Variants in CDH4 observed in about 807,000 individuals in gnomAD.
The protein encoded by CDH4 is cadherin 4.
A neutral mutation model predicts 86.0 loss-of-function variants in CDH4; 33 were observed. The observed-to-expected ratio is 0.38, with a 90% confidence interval of 0.29 to 0.51. The LOEUF is 0.51. CDH4 is among the 20% of genes least tolerant of loss of function. CDH4 has a pLI of 0.86. For missense variants in CDH4, 1,114 were observed against 1,307.4 expected (o/e 0.85, Z 2.28); for synonymous variants, 555 against 549.4 (o/e 1.01, Z -0.14).
intron 2 of CDH4, among the ~76,000 whole-genome samples, chr20:61,389,164 C>A (rs980881770): frequency 6.6e-6 from 1 of 152,254 alleles, no homozygotes; most frequent in African/African-American, 2.4e-5. Context: ...GTCCCCAGGC[C>A]CAGCCATGGC....
chr20:61,719,847 G>C (rs901636664), intron 2 of CDH4: 2 of 152,278 alleles, frequency 1.3e-5, no homozygotes, highest in African/African-American at 4.8e-5. Context: ...TTTAAATTAA[G>C]ATAAACCTTG....
intron 9 of CDH4, among the ~76,000 whole-genome samples, chr20:61,912,713 C>T (rs900805985): frequency 1.1e-4 from 17 of 152,196 alleles, no homozygotes; most frequent in Non-Finnish European, 2.1e-4. Flanking sequence ...GCAAAATACA[C>T]GTTTCACTTC....
At chr20:61,448,056 G>A (rs762202290) in intron 2 of CDH4, among the ~76,000 whole-genome samples, 16 of 152,196 alleles carry the variant, frequency 1.1e-4, no homozygotes, top group Non-Finnish European at 2.2e-4. Context: ...TTTCTATGCT[G>A]ATTTCCATAC....
chr20:61,581,704 G>T (rs761312075), intron 2 of CDH4, among the ~76,000 whole-genome samples: 4 of 152,168 alleles, frequency 2.6e-5, no homozygotes, highest in African/African-American at 7.2e-5. Context: ...CCATCCCAAG[G>T]CCCCGACTGC....
intron 2 of CDH4, among the ~76,000 whole-genome samples, chr20:61,490,966 G>A (rs1187327749): frequency 5.3e-5 from 8 of 152,182 alleles, no homozygotes; most frequent in African/African-American, 1.7e-4. Context: ...CACACTCAGG[G>A]TGTGCTTGAC....
At chr20:61,786,074 G>C (rs1978862737) in intron 4 of CDH4, among the ~76,000 whole-genome samples, 1 of 152,242 alleles carries the variant, frequency 6.6e-6, no homozygotes, top group South Asian at 2.1e-4. Context: ...GGGAGGAACT[G>C]CTCTAAGAAC....
chr20:61,593,833 G>A lies in CDH4; in HGVS notation c.170-149730G>A, dbSNP rs1398161096. Among the ~76,000 whole-genome samples the A allele has an allele frequency of 2.6e-5, 4 of 151,398 alleles. No homozygotes were observed. In the East Asian group the frequency reaches 8.0e-4, roughly 30 times the overall value. On this transcript the variant is annotated intron_variant, in intron 2 of 15. Transcript: ENST00000614565. ...TCTGGGCCGTGCCTGGCATGCAGCT[G>A]TAACATTCGTTGAGGTGCGTGCTGC...
At chr20:61,340,016 A>G (rs1253860477) in intron 2 of CDH4, among the ~76,000 whole-genome samples, 1 of 152,206 alleles carries the variant, frequency 6.6e-6, no homozygotes, top group Non-Finnish European at 1.5e-5. Context: ...TAAGATGATG[A>G]GTTAATTAAT....
chr20:61,917,279 A>G (rs2054912917), intron 9 of CDH4, among the ~76,000 whole-genome samples: 1 of 152,066 alleles, frequency 6.6e-6, no homozygotes, highest in Admixed American at 6.5e-5. Context: ...ATCTGTTACC[A>G]TCATACCCTC....
intron 7 of CDH4, among the ~76,000 whole-genome samples, chr20:61,889,334 A>AG (rs1568868798): frequency 1.5e-3 from 224 of 144,560 alleles, no homozygotes; most frequent in African/African-American, 5.5e-3. Context: ...GGATGGATGG[A>AG]TGGATGGGTG....
At chr20:61,659,540 G>A (rs1486251817) in intron 2 of CDH4, among the ~76,000 whole-genome samples, 1 of 151,980 alleles carries the variant, frequency 6.6e-6, no homozygotes, top group Non-Finnish European at 1.5e-5. Context: ...ACAGGAGGAG[G>A]GTGGGCCTCA....
chr20:61,649,044 G>A (rs1184898827), intron 2 of CDH4, among the ~76,000 whole-genome samples: 1 of 152,132 alleles, frequency 6.6e-6, no homozygotes, highest in Non-Finnish European at 1.5e-5. Context: ...ATCTATATTC[G>A]TTTATTTTCT....
At chr20:61,551,592 C>T (rs1439427677) in intron 2 of CDH4, among the ~76,000 whole-genome samples, 1 of 152,234 alleles carries the variant, frequency 6.6e-6, no homozygotes, top group African/African-American at 2.4e-5. Context: ...CACGTGACTT[C>T]CCCCACCTAA....
rs762300662 is a variant in CDH4, at chr20:61,923,481, A to G, written c.1405A>G (p.Met469Val). 2.5e-6 allele frequency: 4 copies of G among 1,614,190 alleles called. No homozygotes were observed. The South Asian group carries it at 4.4e-5, about 18-fold the overall frequency. The change falls in exon 10 of 16, where the codon ATG becomes GTG. Residue 469 changes from methionine (M) to valine (V), a missense_variant. Met to Val is a conservative substitution (Grantham distance 21). Transcript: ENST00000614565. Reference protein sequence around the residue: ...AVDYELNRAFMLTVMVSNQAP... With the variant: ...AVDYELNRAFVLTVMVSNQAP... Reference sequence around the variant, plus strand: ...CGACTACGAGCTCAACAGAGCTTTCATGCTGACAGTGATGGTGTCCAACCA... The same window carrying G: ...CGACTACGAGCTCAACAGAGCTTTCGTGCTGACAGTGATGGTGTCCAACCA...
In CDH4 at chr20:61,901,932, C is replaced by T. The variant is rs7260706; in HGVS notation, c.1188+6885C>T. Among the ~76,000 whole-genome samples the T allele has an allele frequency of 1.0e-2, 1,522 of 152,312 alleles. 19 individuals carry two copies. Among genetic ancestry groups the T allele is most frequent in the East Asian group, 0.043 (222 of 5,184 alleles). On this transcript the variant is annotated intron_variant, in intron 8 of 15. Transcript: ENST00000614565. Reference sequence around the variant, plus strand: ...CAGAGGTGGAAGTAAAGTTCGCAGTCGGCCGTGGCTCATCTTTATGAGATA... The same window carrying T: ...CAGAGGTGGAAGTAAAGTTCGCAGTTGGCCGTGGCTCATCTTTATGAGATA...
chr20:61,381,293 C>G (rs991703184), intron 2 of CDH4, among the ~76,000 whole-genome samples: 12 of 152,076 alleles, frequency 7.9e-5, no homozygotes, highest in African/African-American at 2.9e-4. Flanking sequence ...TCACCAGGGC[C>G]CAATCAGGGA....
intron 2 of CDH4, among the ~76,000 whole-genome samples, chr20:61,264,103 T>G (rs904389973): frequency 1.3e-5 from 2 of 152,156 alleles, no homozygotes; most frequent in African/African-American, 4.8e-5. Context: ...GGAATTAGGA[T>G]GGGGACATCT....
chr20:61,261,975 C>T (rs2084129866), intron 2 of CDH4, among the ~76,000 whole-genome samples: 1 of 152,204 alleles, frequency 6.6e-6, no homozygotes, highest in Non-Finnish European at 1.5e-5. Context: ...GAGCCGAGCT[C>T]TCTCTCGGAT....
intron 5 of CDH4, among the ~76,000 whole-genome samples, chr20:61,849,043 C>T (rs908255461): frequency 6.6e-6 from 1 of 152,140 alleles, no homozygotes; most frequent in East Asian, 1.9e-4. Context: ...GGCTGGACTC[C>T]AGCCTTCTCA....
Sources: gnomAD v4.1 joint callset for allele counts (sites outside exome capture counted in the v4.1 genomes callset) on GRCh38, gnomAD v4.1.1 for gene constraint, MANE v1.5 for transcripts, NCBI Gene and HGNC (gene_info 2026-07-23, HGNC 2026-07-21) for gene names.